Variants in GC observed in about 807,000 individuals in gnomAD.
GC encodes vitamin D-binding protein.
A neutral mutation model predicts 56.7 loss-of-function variants in GC; 43 were observed. That is an observed-to-expected ratio of 0.76 (90% CI 0.59 to 0.98). The LOEUF is 0.98. Among genes scored for constraint, GC ranks in the 50% least tolerant of loss-of-function variants. The probability of loss-of-function intolerance (pLI) is 0.00; values close to 1 mark genes in which losing one functional copy is unlikely to be tolerated. For missense variants in GC, 529 were observed against 545.9 expected, an observed-to-expected ratio of 0.97 and a Z score of 0.31; for synonymous variants, 216 against 202.7, an observed-to-expected ratio of 1.07 and a Z score of -0.56.
At chr4:71,760,274 G>A (rs886659470) in intron 6 of GC, among the ~76,000 whole-genome samples, 5 of 150,850 alleles carry the variant, frequency 3.3e-5, no homozygotes, top group African/African-American at 9.8e-5. Flanking sequence ...GGATGATCTC[G>A]ATCTCCTGAC....
At chr4:71,785,853 G>A (rs557965526), upstream of GC, 8 of 151,710 alleles carry the variant, frequency 5.3e-5, no homozygotes, top group East Asian at 1.9e-4. Flanking sequence ...CTCAAAAGAG[G>A]TAGGTAACAC....
At chr4:71,752,122 C>T (rs1041840095) in intron 11 of GC, among the ~76,000 whole-genome samples, 1 of 151,914 alleles carries the variant, frequency 6.6e-6, no homozygotes, top group Non-Finnish European at 1.5e-5. Context: ...ATATGAAATA[C>T]AATTTACCTT....
chr4:71,805,143 A>G (rs999297739), upstream of GC, among the ~76,000 whole-genome samples: 8 of 152,108 alleles, frequency 5.3e-5, no homozygotes, highest in Non-Finnish European at 1.0e-4. Context: ...GTTATGGGAA[A>G]CAACAGTTTG....
At chr4:71,754,876 G>A (rs975142493) in intron 9 of GC, 102 bp downstream of exon 9, 2 of 689,360 alleles carry the variant, frequency 2.9e-6, no homozygotes, top group Non-Finnish European at 4.8e-6. Flanking sequence ...TTCTTAGTTT[G>A]TAGGCCATAA....
chr4:71,804,051 A>T, upstream of GC: 1 of 770,110 alleles, frequency 1.3e-6, no homozygotes, highest in Non-Finnish European at 2.2e-6. Flanking sequence ...TGAAAAGAGC[A>T]TCAACGTTGG....
rs367895770 is a variant in GC, at chr4:71,763,984, A to C, written c.474-48T>G. 86 of 1,474,542 alleles carry C rather than the reference A, an allele frequency of 5.8e-5. No homozygotes were observed. In the African/African-American group the frequency reaches 1.1e-3, roughly 18 times the overall value. 91.3% of individuals were successfully genotyped at this position (1,474,542 alleles called of 1,614,324 possible). ...GGTCAAAAAATTTGTGAATAAACAA[A>C]ATCTACTTTTTTATTTGAGACAGTG... On this transcript the variant is annotated intron_variant, in intron 4 of 12. Coordinates refer to ENST00000273951, the MANE Select transcript of GC (RefSeq NM_000583.4).
intron 1 of GC, among the ~76,000 whole-genome samples, chr4:71,782,397 C>A (rs909742611): frequency 1.3e-5 from 2 of 151,730 alleles, no homozygotes; most frequent in Admixed American, 1.3e-4. Flanking sequence ...TAGATCAGGA[C>A]TACTCTCCCC....
intron 1 of GC, among the ~76,000 whole-genome samples, chr4:71,779,956 CT>C (rs1281254874): frequency 1.3e-5 from 2 of 151,814 alleles, no homozygotes; most frequent in Admixed American, 6.6e-5. Flanking sequence ...AAAAAAAATG[CT>C]GTGAATGAAA....
chr4:71,752,732 G>T (rs1028335956), intron 10 of GC, 82 bp from the exon 11 acceptor site: 10 of 1,189,442 alleles, frequency 8.4e-6, no homozygotes, highest in African/African-American at 4.6e-5. Context: ...AGCCATTTCA[G>T]ATCTTTTACA....
At chr4:71,794,633 G>A (rs1278651245) in intron 1 of GC, among the ~76,000 whole-genome samples, 2 of 151,892 alleles carry the variant, frequency 1.3e-5, no homozygotes. Flanking sequence ...ATTTTTTGAA[G>A]GGTTTTTTTG....
intron 1 of GC, among the ~76,000 whole-genome samples, chr4:71,793,401 A>G (rs577818827): frequency 1.3e-5 from 2 of 152,084 alleles, no homozygotes; most frequent in Admixed American, 6.5e-5. Context: ...ATTCCTAGGT[A>G]TTTTATTCTC....
intron 1 of GC, among the ~76,000 whole-genome samples, chr4:71,775,537 G>A (rs929680973): frequency 7.9e-5 from 12 of 151,874 alleles, no homozygotes; most frequent in African/African-American, 2.9e-4. Context: ...AAGACCTGAA[G>A]CTGTTAAACT....
At chr4:71,773,225 A>AC (rs1047176492) in intron 1 of GC, among the ~76,000 whole-genome samples, 3 of 151,786 alleles carry the variant, frequency 2.0e-5, no homozygotes, top group Admixed American at 6.6e-5. Context: ...ACATGAAGTG[A>AC]CCCCCCACAG....
At chr4:71,775,722 C>T (rs547862613) in intron 1 of GC, among the ~76,000 whole-genome samples, 2 of 152,090 alleles carry the variant, frequency 1.3e-5, no homozygotes, top group South Asian at 4.1e-4. Flanking sequence ...AGACAACCCA[C>T]AGACTGGGAG....
intron 6 of GC, chr4:71,759,405 T>C (rs1741892715): frequency 6.6e-6 from 1 of 152,240 alleles, no homozygotes; most frequent in South Asian, 2.1e-4. Flanking sequence ...CTACCAACAG[T>C]GTACAAGCGT....
chr4:71,800,026 AAC>A (rs952846779), intron 1 of GC, among the ~76,000 whole-genome samples: 5 of 152,046 alleles, frequency 3.3e-5, no homozygotes, highest in African/African-American at 1.2e-4. Context: ...TAGAACAATC[AAC>A]ACACAATTCA....
chr4:71,768,417 T>A lies in GC; in HGVS notation c.145A>T (p.Ser49Cys). 6.2e-7 allele frequency: 1 copy of A among 1,611,912 alleles called. No homozygotes were observed. Among genetic ancestry groups the A allele is most frequent in the Non-Finnish European group, 8.5e-7 (1 of 1,179,122 alleles). Residue 49 changes from serine (S) to cysteine (C), a missense_variant, in exon 3 of 13, where the codon AGT (serine) becomes TGT (cysteine). Ser to Cys is a moderately radical substitution (Grantham distance 112, BLOSUM62 -1). Coordinates refer to ENST00000273951, the MANE Select transcript of GC (RefSeq NM_000583.4). Reference sequence around the variant, plus strand: ...AACGTGCCACTGGGAAATTTTCTACTGTACAGGACTAGTGACCTGAGGGGA... The same window carrying A: ...AACGTGCCACTGGGAAATTTTCTACAGTACAGGACTAGTGACCTGAGGGGA... Reference protein sequence around the residue: ...DFTSLSLVLYSRKFPSGTFEQ... With the variant: ...DFTSLSLVLYCRKFPSGTFEQ...
chr4:71,805,514 G>A (rs1743344317), upstream of GC, among the ~76,000 whole-genome samples: 1 of 152,128 alleles, frequency 6.6e-6, no homozygotes, highest in East Asian at 1.9e-4. Context: ...GCTGAAGAAT[G>A]AGCAGTCCCA....
chr4:71,755,485 C>T (rs1362179504), intron 8 of GC, among the ~76,000 whole-genome samples: 2 of 151,932 alleles, frequency 1.3e-5, no homozygotes, highest in African/African-American at 4.8e-5. Context: ...TGTGAAATAT[C>T]TATCATAAAG....
Sources: allele counts gnomAD v4.1 joint callset (sites outside exome capture counted in the v4.1 genomes callset), GRCh38; gene constraint gnomAD v4.1.1; transcripts MANE v1.5; gene names NCBI Gene and HGNC (gene_info 2026-07-23, HGNC 2026-07-21).